Variants in DOLPP1 observed in about 807,000 individuals in gnomAD.
DOLPP1 encodes the protein dolichyl pyrophosphate phosphatase 1.
DOLPP1 carries 15 observed loss-of-function variants against 34.1 expected under a neutral mutation model. The ratio of observed to expected loss-of-function variants is 0.44; its 90% confidence interval spans 0.29 to 0.68. DOLPP1 has a LOEUF of 0.68. Among genes scored for constraint, DOLPP1 ranks in the 30% least tolerant of loss-of-function variants. DOLPP1 has a pLI of 0.12. For synonymous variants in DOLPP1, 130 were observed against 128.2 expected (o/e 1.01, Z -0.10); for missense variants, 249 against 307.1 (o/e 0.81, Z 1.41).
chr9:129,082,141 G>A (rs1439584985), intron 1 of DOLPP1, among the ~76,000 whole-genome samples: 1 of 152,210 alleles, frequency 6.6e-6, no homozygotes, highest in Non-Finnish European at 1.5e-5. Context: ...GAGTGCCAGG[G>A]AAGGCTGGAG....
chr9:129,087,540 T>A (rs1588432812), intron 7 of DOLPP1, among the ~76,000 whole-genome samples: 1 of 152,078 alleles, frequency 6.6e-6, no homozygotes. Context: ...ATGGTCTCAA[T>A]CTCCTGACTT....
At chr9:129,088,623 T>G (rs1055644363) in intron 7 of DOLPP1, among the ~76,000 whole-genome samples, 2 of 152,196 alleles carry the variant, frequency 1.3e-5, no homozygotes, top group African/African-American at 2.4e-5. Context: ...CTGAGCCCAC[T>G]TGTGCTGCCT....
chr9:129,088,902 G>T, intron 7 of DOLPP1, 69 bp from the exon 8 acceptor site: 5 of 1,521,262 alleles, frequency 3.3e-6, no homozygotes, highest in Non-Finnish European at 2.7e-6. Flanking sequence ...GACTACGGGT[G>T]GGGTGGGGAC....
Position 129,086,225 on chromosome 9 carries a change from C to G in DOLPP1, c.548C>G (p.Thr183Ser). The change falls in exon 6 of 8, where the codon ACC becomes AGC. Residue 183 changes from threonine (T) to serine (S), a missense_variant. By Grantham distance (58) the Thr-to-Ser change is moderately conservative. Coordinates refer to ENST00000372546, the MANE Select transcript of DOLPP1 (RefSeq NM_020438.5). ...ATGGCCATCGCCTGGTTCATCTTCACCCAGGAGGTCCTCACCCCGCTGTTC... is the reference window on the plus strand; with the variant it reads ...ATGGCCATCGCCTGGTTCATCTTCAGCCAGGAGGTCCTCACCCCGCTGTTC... Reference protein sequence around the residue: ...GLMAIAWFIFTQEVLTPLFPR... With the variant: ...GLMAIAWFIFSQEVLTPLFPR... 6.2e-7 allele frequency: 1 copy of G among 1,613,554 alleles called. No homozygotes were observed. Among genetic ancestry groups the G allele is most frequent in the Non-Finnish European group, 8.5e-7 (1 of 1,179,978 alleles).
rs1847063272 is a variant in DOLPP1 at position 129,089,808 on chromosome 9, G to A, written c.*801G>A. 1 of 152,620 alleles carries A rather than the reference G, an allele frequency of 6.6e-6. No homozygotes were observed. The highest frequency in any genetic ancestry group is 1.5e-5 in the Non-Finnish European group (1 of 68,054). 9.5% of individuals were successfully genotyped at this position (152,620 alleles called of 1,614,324 possible). ...CAGCTCTTTCTTGTCCTGCCATCCA[G>A]TAGCAGTTAGTCTTCATCCCCACGT... On this transcript the variant is annotated 3_prime_UTR_variant, in exon 8 of 8. Transcript: ENST00000372546. The surrounding 1 kb of genome is among the most constrained non-coding windows in gnomAD (Gnocchi z 4.9).
At chr9:129,086,292 C>T (rs376789859) in intron 6 of DOLPP1, 25 bp downstream of exon 6, 21 of 1,611,642 alleles carry the variant, frequency 1.3e-5, no homozygotes, top group Non-Finnish European at 1.6e-5. Flanking sequence ...CCTTCCTGGG[C>T]ACTGTGGGCC....
Position 129,085,035 on chromosome 9 carries a change from G to T in DOLPP1, c.190G>T (p.Gly64Trp), listed in dbSNP as rs1301168018. Residue 64 changes from glycine to tryptophan, a missense_variant, in exon 3 of 8, where the codon GGG becomes TGG. Transcript: ENST00000372546. The surrounding 1 kb of genome is among the most constrained non-coding windows in gnomAD (Gnocchi z 7.0). The stretch of plus-strand genomic sequence containing the variant: ...TCTTCCCCAGCAGATCTCCTTCCTT[G>T]GGGGCCTGGCACTGAACGAGGGGGT... ...KRELHTISFL[G>W]GLALNEGVNW... The T allele has an allele frequency of 2.5e-6, 4 of 1,570,640 alleles. No homozygotes were observed. Among genetic ancestry groups the T allele is most frequent in the Non-Finnish European group, 3.5e-6 (4 of 1,159,278 alleles).
chr9:129,086,134 CCCAG>C lies in DOLPP1; in HGVS notation c.462-4_462-1del, dbSNP rs1846984282. ...TCACATACTTCGCTTCTGGCCTTGGCCCAGGGTCTACCTGCTGTACCACACCTGG... is the reference window on the plus strand; with the variant it reads ...TCACATACTTCGCTTCTGGCCTTGGCGGTCTACCTGCTGTACCACACCTGG... On this transcript the variant is annotated splice_acceptor_variant and splice_polypyrimidine_tract_variant and intron_variant, in intron 5 of 7. Transcript: ENST00000372546. LOFTEE classifies it high-confidence loss of function. 1 of 1,612,600 alleles carries C rather than the reference CCCAG, an allele frequency of 6.2e-7. No homozygotes were observed. Among genetic ancestry groups the C allele is most frequent in the Middle Eastern group, 1.6e-4 (1 of 6,066 alleles).
intron 7 of DOLPP1, 143 bp from the exon 8 acceptor site, chr9:129,088,828 T>C: frequency 1.3e-6 from 1 of 744,486 alleles, no homozygotes; most frequent in South Asian, 1.6e-5. Context: ...GGGCAGGTGC[T>C]CTGATTGGCC....
In DOLPP1 at chr9:129,084,766, A is replaced by T. The variant is rs769278116; in HGVS notation, c.175A>T (p.Thr59Ser). ...CATCATATTTAAGCGGGAGCTGCAC[A>T]CGGTGAGTCTGTCTTGCCCACACCC... ...TLIIFKRELH[T>S]ISFLGGLALN... is the part of the protein sequence containing the mutation. The change falls in exon 2 of 8, where the codon ACG becomes TCG. Residue 59 changes from threonine to serine, a missense_variant and splice_region_variant. Transcript: ENST00000372546. 5 of 1,608,966 alleles carry T rather than the reference A, an allele frequency of 3.1e-6. No individual in the cohort carries two copies. The Admixed American group carries it at 5.0e-5, about 16-fold the overall frequency.
chr9:129,085,196 C>A lies in DOLPP1; in HGVS notation c.263-11C>A. 1.2e-6 allele frequency: 2 copies of A among 1,613,714 alleles called. No individual in the cohort carries two copies. The highest frequency in any genetic ancestry group is 2.2e-5 in the South Asian group (2 of 91,080). On this transcript the variant is annotated splice_polypyrimidine_tract_variant and intron_variant, in intron 3 of 7. Transcript: ENST00000372546. The surrounding 1 kb of genome is among the most constrained non-coding windows in gnomAD (Gnocchi z 7.0). Reference sequence around the variant, plus strand: ...TCCCCCCGTGATGCCCTGGTCTCCTCTCTCTCCCAGGCCCCCACACAGCAG... The same window carrying A: ...TCCCCCCGTGATGCCCTGGTCTCCTATCTCTCCCAGGCCCCCACACAGCAG...
In DOLPP1 at chr9:129,081,290, G is replaced by A. The variant is rs569383876; in HGVS notation, c.76+83G>A. 13,103 of 1,545,202 alleles carry A rather than the reference G, an allele frequency of 8.5e-3. 62 individuals are homozygous for A. The highest frequency in any genetic ancestry group is 0.01 in the Non-Finnish European group (11,637 of 1,142,054). The stretch of plus-strand genomic sequence containing the variant: ...GCGCTCCGGCCTGCTCGAGCCCGCG[G>A]AGGGGGCGCCGGGGGACCGGGGTGG... On this transcript the variant is annotated intron_variant, in intron 1 of 7. Transcript: ENST00000372546.
intron 7 of DOLPP1, among the ~76,000 whole-genome samples, chr9:129,088,531 A>G (rs1353791740): frequency 1.3e-5 from 2 of 152,162 alleles, no homozygotes; most frequent in African/African-American, 4.8e-5. Context: ...AACCTCCATC[A>G]GTAGTTCTCC....
At chr9:129,086,084 G>T in intron 5 of DOLPP1, 55 bp from the exon 6 acceptor site, 2 of 1,584,266 alleles carry the variant, frequency 1.3e-6, no homozygotes, top group South Asian at 1.1e-5. Context: ...AGTGGGGATT[G>T]TGCGGGCCTG....
intron 1 of DOLPP1, among the ~76,000 whole-genome samples, chr9:129,082,015 A>G (rs967417880): frequency 6.6e-6 from 1 of 152,230 alleles, no homozygotes; most frequent in Non-Finnish European, 1.5e-5. Context: ...ATGAGCATCA[A>G]ATAGCAGGAG....
In DOLPP1 at chr9:129,085,529, C is replaced by A; in HGVS notation, c.374C>A (p.Thr125Lys). The A allele has an allele frequency of 6.2e-7, 1 of 1,612,774 alleles. No individual in the cohort carries two copies. Among genetic ancestry groups the A allele is most frequent in the Non-Finnish European group, 8.5e-7 (1 of 1,179,556 alleles). The change falls in exon 5 of 8, where the codon ACA becomes AAA. Residue 125 changes from threonine to lysine, a missense_variant. By Grantham distance (78) the Thr-to-Lys change is moderately conservative (BLOSUM62 -1). Transcript: ENST00000372546. The surrounding 1 kb of genome is among the most constrained non-coding windows in gnomAD (Gnocchi z 7.0). ...FLFLYLRMHQ[T>K]NNARFLDLLW... The stretch of plus-strand genomic sequence containing the variant: ...GCCTGTTTTCGCAGAATGCACCAAA[C>A]AAACAACGCCAGGTTCCTGGACTTG...
chr9:129,081,455 G>C (rs1235798574), intron 1 of DOLPP1, among the ~76,000 whole-genome samples: 1 of 152,138 alleles, frequency 6.6e-6, no homozygotes, highest in African/African-American at 2.4e-5. Context: ...CGCTCCCCCG[G>C]GTCCCGGGGC....
intron 1 of DOLPP1, among the ~76,000 whole-genome samples, chr9:129,083,951 A>G (rs1034092981): frequency 6.6e-6 from 1 of 152,202 alleles, no homozygotes; most frequent in Non-Finnish European, 1.5e-5. Flanking sequence ...GAGTGTCCCC[A>G]TCTCCTAAAA....
In DOLPP1 at chr9:129,085,385, GA is replaced by G; in HGVS notation, c.362+80del. The G allele has an allele frequency of 6.5e-7, 1 of 1,534,578 alleles. No homozygotes were observed. The highest frequency in any genetic ancestry group is 1.7e-4 in the Middle Eastern group (1 of 5,912). ...CTAGGGACTCACTGCTAGCCCTTTGGATGCCCCTGGGGTGGGAGGGGCTGCA... is the reference window on the plus strand; with the variant it reads ...CTAGGGACTCACTGCTAGCCCTTTGGTGCCCCTGGGGTGGGAGGGGCTGCA... On this transcript the variant is annotated intron_variant, in intron 4 of 7. Transcript: ENST00000372546. The surrounding 1 kb of genome is among the most constrained non-coding windows in gnomAD (Gnocchi z 7.0).
Sources: allele counts gnomAD v4.1 joint callset (sites outside exome capture counted in the v4.1 genomes callset), GRCh38; gene constraint gnomAD v4.1.1; non-coding constraint Gnocchi (gnomAD v3.1); transcripts MANE v1.5; gene names NCBI Gene and HGNC (gene_info 2026-07-23, HGNC 2026-07-21).